OPCML: variants seen among roughly 807,000 people sequenced by gnomAD.
The protein encoded by OPCML is opioid-binding protein/cell adhesion molecule.
A neutral mutation model predicts 37.8 loss-of-function variants in OPCML; 13 were observed. The observed-to-expected ratio is 0.34, with a 90% confidence interval of 0.22 to 0.55. OPCML has a LOEUF of 0.55. Ranked by LOEUF, OPCML falls within the 20% of genes least tolerant of loss-of-function variation. The pLI is 0.91. For synonymous variants in OPCML, 176 were observed against 168.8 expected (o/e 1.04, Z -0.33); for missense variants, 341 against 435.6 (o/e 0.78, Z 1.93).
intron 1 of OPCML, among the ~76,000 whole-genome samples, chr11:133,506,840 G>A (rs893678141): frequency 6.6e-6 from 1 of 152,206 alleles, no homozygotes; most frequent in Non-Finnish European, 1.5e-5. Context: ...AACGCACTCG[G>A]TGCACGCCTT....
intron 1 of OPCML, among the ~76,000 whole-genome samples, chr11:133,487,538 T>A (rs569445375): frequency 2.0e-4 from 30 of 152,310 alleles, no homozygotes; most frequent in African/African-American, 7.0e-4. Flanking sequence ...TGTTTTTCTC[T>A]TCATAGGGCA....
At chr11:133,440,411 A>AAAAG (rs1319251666) in intron 1 of OPCML, among the ~76,000 whole-genome samples, 4 of 149,406 alleles carry the variant, frequency 2.7e-5, no homozygotes, top group African/African-American at 1.0e-4. Context: ...AAAAAAAAAA[A>AAAAG]AAAGAAAGAA....
At chr11:133,046,647 G>A (rs910543983) in intron 1 of OPCML, among the ~76,000 whole-genome samples, 1 of 152,162 alleles carries the variant, frequency 6.6e-6, no homozygotes, top group Non-Finnish European at 1.5e-5. Flanking sequence ...CTGGCATGTG[G>A]GGTTCTGTAG....
rs1939374172 is a variant in OPCML, at chr11:133,211,860, C to T, written c.62-268850G>A. 6.6e-6 allele frequency among the ~76,000 whole-genome samples: 1 copy of T among 152,178 alleles called. No homozygotes were observed. The highest frequency in any genetic ancestry group is 1.9e-4 in the East Asian group (1 of 5,196). ...GTATAAGCATTTGACTCAAACTCTT[C>T]AAGATAGGGAGTTAAAGAATGCAAA... On this transcript the variant is annotated intron_variant, in intron 1 of 7. Coordinates refer to ENST00000524381, the MANE Select transcript of OPCML (RefSeq NM_001012393.5). The surrounding 1 kb of genome is among the most constrained non-coding windows in gnomAD (Gnocchi z 4.1).
intron 2 of OPCML, among the ~76,000 whole-genome samples, chr11:132,878,382 C>A (rs1326041954): frequency 6.6e-6 from 1 of 152,090 alleles, no homozygotes; most frequent in Admixed American, 6.6e-5. Context: ...TGTGGATGGG[C>A]CTCATCCTAT....
At chr11:133,500,518 T>G (rs2120532754) in intron 1 of OPCML, among the ~76,000 whole-genome samples, 1 of 152,336 alleles carries the variant, frequency 6.6e-6, no homozygotes, top group Middle Eastern at 3.4e-3. Flanking sequence ...GTCTCCAGTG[T>G]CATGCCCTGG....
chr11:133,427,741 C>A, intron 1 of OPCML, among the ~76,000 whole-genome samples: 1 of 151,024 alleles, frequency 6.6e-6, no homozygotes, highest in East Asian at 1.9e-4. Flanking sequence ...GGTAGAACAC[C>A]GAAATACACC....
chr11:132,430,513 C>G (rs1427866524), intron 7 of OPCML, among the ~76,000 whole-genome samples: 2 of 152,154 alleles, frequency 1.3e-5, no homozygotes, highest in African/African-American at 4.8e-5. Context: ...CCTCATGGCT[C>G]CCAGGAGCCG....
In OPCML at chr11:132,493,976, C is replaced by T. The variant is rs532335578; in HGVS notation, c.505+35085G>A. 2.8e-3 allele frequency among the ~76,000 whole-genome samples: 430 copies of T among 152,296 alleles called. 2 individuals are homozygous for T. Among genetic ancestry groups the T allele is most frequent in the Non-Finnish European group, 5.2e-3 (354 of 68,010 alleles). ...CACGGGCAACCTCTGCTGGAGCTTC[C>T]TAAGAGCCATGTCCCAGCTGTTGCC... On this transcript the variant is annotated intron_variant, in intron 4 of 7. Coordinates refer to ENST00000524381, the MANE Select transcript of OPCML (RefSeq NM_001012393.5).
intron 2 of OPCML, among the ~76,000 whole-genome samples, chr11:132,873,586 G>C (rs976185143): frequency 6.6e-6 from 1 of 152,080 alleles, no homozygotes; most frequent in Non-Finnish European, 1.5e-5. Flanking sequence ...GCAGGGCTTA[G>C]GCCAAAGGGG....
intron 2 of OPCML, among the ~76,000 whole-genome samples, chr11:132,749,958 C>T (rs1482405098): frequency 6.6e-6 from 1 of 152,182 alleles, no homozygotes; most frequent in Non-Finnish European, 1.5e-5. Flanking sequence ...TCTCAGCTCA[C>T]TGTAACCTCT....
intron 2 of OPCML, among the ~76,000 whole-genome samples, chr11:132,868,773 G>A (rs561312358): frequency 1.2e-4 from 19 of 152,242 alleles, no homozygotes; most frequent in African/African-American, 2.6e-4. Flanking sequence ...GGATGCTGCC[G>A]TTACTAATAG....
chr11:132,618,643 T>G (rs1404447857), intron 3 of OPCML, among the ~76,000 whole-genome samples: 5 of 152,236 alleles, frequency 3.3e-5, no homozygotes, highest in Non-Finnish European at 7.3e-5. Flanking sequence ...TTTATCCACA[T>G]AGATCTTGTA....
intron 1 of OPCML, among the ~76,000 whole-genome samples, chr11:133,090,029 T>TC (rs1227846814): frequency 6.6e-6 from 1 of 152,214 alleles, no homozygotes; most frequent in African/African-American, 2.4e-5. Flanking sequence ...AAGGACTGTC[T>TC]CCTTGATGAA....
intron 2 of OPCML, among the ~76,000 whole-genome samples, chr11:132,899,441 T>G (rs1164565339): frequency 6.6e-6 from 1 of 151,412 alleles, no homozygotes; most frequent in African/African-American, 2.5e-5. Context: ...TCAGTTATCA[T>G]CCAAACACTT....
At chr11:133,341,393 C>T (rs533640183) in intron 1 of OPCML, among the ~76,000 whole-genome samples, 1 of 152,246 alleles carries the variant, frequency 6.6e-6, no homozygotes, top group East Asian at 1.9e-4. Flanking sequence ...TTCTAAGTTT[C>T]CTTGAGTCGC....
chr11:133,480,258 C>T (rs1947345866), intron 1 of OPCML, among the ~76,000 whole-genome samples: 1 of 152,214 alleles, frequency 6.6e-6, no homozygotes, highest in Non-Finnish European at 1.5e-5. Context: ...GAATCTCTCA[C>T]ATCTCATGAG....
At chr11:133,064,372 A>C (rs1197936583) in intron 1 of OPCML, among the ~76,000 whole-genome samples, 2 of 152,220 alleles carry the variant, frequency 1.3e-5, no homozygotes, top group Non-Finnish European at 2.9e-5. Context: ...CCCCGGGCAG[A>C]GCTCCTCCGC....
At chr11:132,691,619 T>C (rs988598451) in intron 2 of OPCML, among the ~76,000 whole-genome samples, 1 of 152,198 alleles carries the variant, frequency 6.6e-6, no homozygotes, top group African/African-American at 2.4e-5. Flanking sequence ...TGTACTCCCA[T>C]GGGTAGTTTC....
Sources: allele counts gnomAD v4.1 joint callset (sites outside exome capture counted in the v4.1 genomes callset), GRCh38; gene constraint gnomAD v4.1.1; non-coding constraint Gnocchi (gnomAD v3.1); transcripts MANE v1.5; gene names NCBI Gene and HGNC (gene_info 2026-07-23, HGNC 2026-07-21).